PRKN: variants seen among roughly 807,000 people sequenced by gnomAD.
The protein encoded by PRKN is E3 ubiquitin-protein ligase parkin.
Under a neutral mutation model 59.5 loss-of-function variants are expected in PRKN, and 56 were observed. That is an observed-to-expected ratio of 0.94 (90% CI 0.76 to 1.18). The LOEUF (loss-of-function observed/expected upper bound fraction) is 1.18, where lower values mean the gene tolerates loss of function less well. PRKN is among the 50% of genes most tolerant of loss of function. The probability of loss-of-function intolerance (pLI) is 0.00; values close to 1 mark genes in which losing one functional copy is unlikely to be tolerated. For synonymous variants in PRKN, 250 were observed against 222.1 expected, an observed-to-expected ratio of 1.13 and a Z score of -1.12; for missense variants, 657 against 596.4, an observed-to-expected ratio of 1.10 and a Z score of -1.06.
intron 1 of PRKN, among the ~76,000 whole-genome samples, chr6:162,531,841 G>C (rs911977932): frequency 2.6e-5 from 4 of 151,194 alleles, no homozygotes; most frequent in African/African-American, 9.7e-5. Flanking sequence ...TCATAATTTT[G>C]CAAAGGTGGT....
At chr6:161,474,072 G>T (rs553630575) in intron 9 of PRKN, among the ~76,000 whole-genome samples, 9 of 152,254 alleles carry the variant, frequency 5.9e-5, no homozygotes, top group African/African-American at 2.2e-4. Flanking sequence ...AAAAAAATGG[G>T]CGTGGAGCAT....
At chr6:162,538,561 A>T (rs1424071566) in intron 1 of PRKN, among the ~76,000 whole-genome samples, 1 of 152,204 alleles carries the variant, frequency 6.6e-6, no homozygotes, top group Non-Finnish European at 1.5e-5. Context: ...TTCATCCAGT[A>T]GTCAGTCCTG....
chr6:161,601,800 T>C (rs1473429665), intron 7 of PRKN, among the ~76,000 whole-genome samples: 1 of 152,152 alleles, frequency 6.6e-6, no homozygotes, highest in African/African-American at 2.4e-5. Flanking sequence ...GCCAGGATGG[T>C]CTGGATCTCC....
chr6:161,421,613 A>G (rs1788111021), intron 9 of PRKN, among the ~76,000 whole-genome samples: 1 of 152,166 alleles, frequency 6.6e-6, no homozygotes, highest in Non-Finnish European at 1.5e-5. Context: ...GAGTTTGTTC[A>G]GATAGAGACG....
intron 2 of PRKN, among the ~76,000 whole-genome samples, chr6:162,360,515 G>C (rs147435927): frequency 6.6e-6 from 1 of 152,132 alleles, no homozygotes; most frequent in African/African-American, 2.4e-5. Flanking sequence ...GTCTACTCTC[G>C]ATACAGTCAG....
At chr6:161,899,227 T>C (rs1486562705) in intron 6 of PRKN, among the ~76,000 whole-genome samples, 1 of 152,224 alleles carries the variant, frequency 6.6e-6, no homozygotes, top group East Asian at 1.9e-4. Flanking sequence ...TGCATAAATA[T>C]ATTTCCCATT....
chr6:161,782,086 A>T (rs1162329657), intron 7 of PRKN, among the ~76,000 whole-genome samples: 1 of 152,166 alleles, frequency 6.6e-6, no homozygotes, highest in Non-Finnish European at 1.5e-5. Flanking sequence ...TAATACTCTG[A>T]CAACAATATG....
intron 7 of PRKN, among the ~76,000 whole-genome samples, chr6:161,687,219 T>C (rs1785590055): frequency 6.6e-6 from 1 of 151,280 alleles, no homozygotes; most frequent in South Asian, 2.1e-4. Flanking sequence ...AAACTCTGTC[T>C]CTACTAAAAA....
chr6:162,038,787 T>C (rs1783945150), intron 5 of PRKN, among the ~76,000 whole-genome samples: 1 of 152,194 alleles, frequency 6.6e-6, no homozygotes, highest in African/African-American at 2.4e-5. Context: ...TTGATAGATA[T>C]ATAACTTCAT....
intron 6 of PRKN, among the ~76,000 whole-genome samples, chr6:161,792,057 A>G (rs1191592821): frequency 1.3e-5 from 2 of 152,200 alleles, no homozygotes; most frequent in African/African-American, 4.8e-5. Context: ...TTCTAACAAC[A>G]GCTGGCATCT....
intron 7 of PRKN, among the ~76,000 whole-genome samples, chr6:161,630,334 C>T (rs569005633): frequency 3.1e-4 from 47 of 152,258 alleles, no homozygotes; most frequent in Non-Finnish European, 6.3e-4. Context: ...GGCTCAGCTT[C>T]CCTGTAGAGC....
At chr6:162,393,762 A>C (rs1787339221) in intron 2 of PRKN, among the ~76,000 whole-genome samples, 1 of 152,228 alleles carries the variant, frequency 6.6e-6, no homozygotes, top group Non-Finnish European at 1.5e-5. Flanking sequence ...GTGTGACCAC[A>C]GGAGCATCAT....
intron 5 of PRKN, among the ~76,000 whole-genome samples, chr6:161,999,201 A>G (rs1338538077): frequency 6.6e-6 from 1 of 152,122 alleles, no homozygotes; most frequent in African/African-American, 2.4e-5. Flanking sequence ...TCTCAGCAAT[A>G]ACAACGAACA....
At chr6:162,243,555 G>A (rs531670845) in intron 3 of PRKN, among the ~76,000 whole-genome samples, 19 of 152,084 alleles carry the variant, frequency 1.2e-4, no homozygotes, top group Non-Finnish European at 2.2e-4. Flanking sequence ...CATTTAATAC[G>A]AGTTTAATAG....
chr6:162,040,102 G>T (rs1014912329), intron 5 of PRKN, among the ~76,000 whole-genome samples: 1 of 152,122 alleles, frequency 6.6e-6, no homozygotes, highest in Admixed American at 6.6e-5. Flanking sequence ...TCTCAAACAC[G>T]ATGGTTGTCG....
At chr6:162,689,364 T>C (rs1005321760) in intron 1 of PRKN, among the ~76,000 whole-genome samples, 3 of 149,910 alleles carry the variant, frequency 2.0e-5, no homozygotes, top group Non-Finnish European at 2.9e-5. Context: ...CCAACTACTA[T>C]AGGAAAAAAA....
Position 161,350,255 on chromosome 6 carries a change from T to C in PRKN, c.1286-44A>G, listed in dbSNP as rs1016493307. The C allele has an allele frequency of 2.1e-6, 3 of 1,401,082 alleles. No homozygotes were observed. In the Admixed American group the frequency reaches 5.4e-5, roughly 25 times the overall value. The allele number at this position is 1,401,082 out of a possible 1,614,324, so 86.8% of individuals were successfully genotyped here. A position where few individuals can be genotyped will look rare whatever the true frequency, so the allele number is the denominator to read the frequency against. On this transcript the variant is annotated intron_variant, in intron 11 of 11. Coordinates refer to ENST00000366898, the MANE Select transcript of PRKN (RefSeq NM_004562.3). The stretch of plus-strand genomic sequence containing the variant: ...AAAGGTGTGGTGGGTTCGCAGCAAG[T>C]ACCTGGAAAACACGCATTCCCAAAC...
chr6:161,833,785 G>C lies in PRKN; in HGVS notation c.735-47877C>G, dbSNP rs1167071521. Reference sequence around the variant, plus strand: ...GACAGTGGACACAGAGGTGGAGAAAGGGTATGTGGGAAGCAGCACTCCAGC... The same window carrying C: ...GACAGTGGACACAGAGGTGGAGAAACGGTATGTGGGAAGCAGCACTCCAGC... On this transcript the variant is annotated intron_variant, in intron 6 of 11. Transcript: ENST00000366898. Among the ~76,000 whole-genome samples, 5 of 152,154 alleles carry C rather than the reference G, an allele frequency of 3.3e-5. No homozygotes were observed. The East Asian group carries it at 9.6e-4, about 29-fold the overall frequency.
chr6:161,453,007 T>C (rs752376797), intron 9 of PRKN, among the ~76,000 whole-genome samples: 35 of 152,188 alleles, frequency 2.3e-4, no homozygotes, highest in Non-Finnish European at 4.9e-4. Context: ...AAATTCTGTA[T>C]TGTCAAAGTC....
Sources: gnomAD v4.1 joint callset for allele counts (sites outside exome capture counted in the v4.1 genomes callset) on GRCh38, gnomAD v4.1.1 for gene constraint, MANE v1.5 for transcripts, NCBI Gene and HGNC (gene_info 2026-07-23, HGNC 2026-07-21) for gene names.